The following TAF2 variants were observed in gnomAD, a reference collection of about 807,000 sequenced individuals.
TAF2 encodes TATA-box binding protein associated factor 2.
A neutral mutation model predicts 138.5 loss-of-function variants in TAF2; 61 were observed. The observed-to-expected ratio is 0.44, with a 90% confidence interval of 0.36 to 0.54. The LOEUF is 0.54. TAF2 is among the 20% of genes least tolerant of loss of function. TAF2 has a pLI of 0.00. For missense variants in TAF2, 1,090 were observed against 1,427.9 expected (o/e 0.76, Z 3.81); for synonymous variants, 475 against 469.9 (o/e 1.01, Z -0.14).
intron 23 of TAF2, among the ~76,000 whole-genome samples, chr8:119,745,205 T>A (rs1033025223): frequency 2.6e-5 from 4 of 152,146 alleles, no homozygotes; most frequent in African/African-American, 9.7e-5. Flanking sequence ...CTGGTCTTTT[T>A]GGGGGGAGAA....
At chr8:119,811,276 G>A (rs375244744) in intron 3 of TAF2, among the ~76,000 whole-genome samples, 2 of 152,052 alleles carry the variant, frequency 1.3e-5, no homozygotes, top group African/African-American at 4.8e-5. Context: ...GTCAAATAAA[G>A]AACATCTGCC....
chr8:119,776,668 G>A (rs377436358), intron 18 of TAF2, among the ~76,000 whole-genome samples: 22 of 151,974 alleles, frequency 1.4e-4, no homozygotes, highest in Non-Finnish European at 2.6e-4. Flanking sequence ...CAGCCTGGGC[G>A]ACTGAGTGAG....
rs1409920237 is a variant in TAF2 at position 119,789,645 on chromosome 8, T to C, written c.1515A>G (p.Lys505=). Residue 505 remains lysine, a synonymous_variant, in exon 12 of 26, where the codon AAA becomes AAG. Transcript: ENST00000378164. ...QMLVSTSGFL[K]SISNVSGKDI... is the part of the protein sequence containing the mutation. The stretch of plus-strand genomic sequence containing the variant: ...CTTTGCCAGAGACATTTGAAATGGA[T>C]TTCAAAAACCCAGATGTGGAAACCA... 6.2e-7 allele frequency: 1 copy of C among 1,613,862 alleles called. No individual in the cohort carries two copies. Among genetic ancestry groups the C allele is most frequent in the South Asian group, 1.1e-5 (1 of 91,070 alleles).
At chr8:119,736,099 G>C (rs1245408154) in intron 25 of TAF2, among the ~76,000 whole-genome samples, 1 of 152,194 alleles carries the variant, frequency 6.6e-6, no homozygotes, top group East Asian at 1.9e-4. Flanking sequence ...GTTGGAACCT[G>C]TACTTCTCAG....
In TAF2 at chr8:119,749,177, G is replaced by A. The variant is rs144543259; in HGVS notation, c.2879-2243C>T. Reference sequence around the variant, plus strand: ...TAGGGCTTTTATTTTGTTTTTGAACGTCAGCTTAAGGATGATTAGGCAGCA... The same window carrying A: ...TAGGGCTTTTATTTTGTTTTTGAACATCAGCTTAAGGATGATTAGGCAGCA... On this transcript the variant is annotated intron_variant, in intron 22 of 25. Coordinates refer to ENST00000378164, the MANE Select transcript of TAF2 (RefSeq NM_003184.4). Among the ~76,000 whole-genome samples, 9 of 152,206 alleles carry A rather than the reference G, an allele frequency of 5.9e-5. No individual in the cohort carries two copies. In the East Asian group the frequency reaches 1.2e-3, roughly 20 times the overall value.
chr8:119,745,795 ATGTGTGTGTGTGTGTGTGTGTGTGTG>A (rs58444614), intron 23 of TAF2, among the ~76,000 whole-genome samples: 15 of 143,566 alleles, frequency 1.0e-4, no homozygotes, highest in African/African-American at 3.3e-4. Context: ...AGGCAAACGA[ATGTGTGTGTGTGTGTGTGTGTGTGTG>A]TGTGTGTGTG....
intron 18 of TAF2, among the ~76,000 whole-genome samples, chr8:119,774,491 AT>A (rs11341545): frequency 0.43 from 62,992 of 147,662 alleles, 14,730 homozygotes; most frequent in African/African-American, 0.63. Flanking sequence ...TTTTTTTGCA[AT>A]TTTTTTTTTT....
Position 119,760,580 on chromosome 8 carries a change from C to T in TAF2, c.2698+19G>A, listed in dbSNP as rs1041669383. 4.8e-5 allele frequency: 78 copies of T among 1,610,758 alleles called. No individual in the cohort carries two copies. In the Middle Eastern group the frequency reaches 6.6e-4, roughly 14 times the overall value. ...AGTTCTTTCTAAAATGATATGAGCACGTATTTCTAAAGTATTACCTTTAGT... is the reference window on the plus strand; with the variant it reads ...AGTTCTTTCTAAAATGATATGAGCATGTATTTCTAAAGTATTACCTTTAGT... On this transcript the variant is annotated intron_variant, in intron 20 of 25. Transcript: ENST00000378164.
At position 119,781,066 on chromosome 8, in the gene TAF2, T is replaced by C. The variant is rs1041976738; in HGVS notation, c.2240A>G (p.Tyr747Cys). ...KTNNFMSFQS[Y>C]FLQKTMPVAM... ...AGTAAACTGTACCTTCTGTAGAAAA[T>C]AGCTTTGAAAGCTCATAAAGTTGTT... The change falls in exon 17 of 26, where the codon TAT (tyrosine) becomes TGT (cysteine). Residue 747 changes from tyrosine (Y) to cysteine (C), a missense_variant. By Grantham distance (194) the Tyr-to-Cys change is radical (BLOSUM62 -2). This residue lies in a region of TAF2 where 580 missense variants were observed against 719.6 expected (regional missense o/e 0.81). Transcript: ENST00000378164. 5.0e-6 allele frequency: 8 copies of C among 1,612,494 alleles called. No homozygotes were observed. Among genetic ancestry groups the C allele is most frequent in the Non-Finnish European group, 6.8e-6 (8 of 1,179,772 alleles).
chr8:119,771,111 A>G (rs1464311382), intron 18 of TAF2, among the ~76,000 whole-genome samples: 1 of 152,158 alleles, frequency 6.6e-6, no homozygotes, highest in Non-Finnish European at 1.5e-5. Context: ...GATAAAAAAC[A>G]AGACACTACC....
At chr8:119,802,330 A>G (rs1824320977) in intron 5 of TAF2, among the ~76,000 whole-genome samples, 1 of 152,220 alleles carries the variant, frequency 6.6e-6, no homozygotes, top group Non-Finnish European at 1.5e-5. Flanking sequence ...TCCGCATATT[A>G]GTCAGTTTTT....
chr8:119,786,365 T>G (rs952571279), intron 14 of TAF2, among the ~76,000 whole-genome samples: 1 of 152,180 alleles, frequency 6.6e-6, no homozygotes, highest in African/African-American at 2.4e-5. Context: ...TTTCTAATAT[T>G]TCCTCTAGGT....
At chr8:119,811,608 C>T (rs1417790819) in intron 3 of TAF2, among the ~76,000 whole-genome samples, 2 of 151,784 alleles carry the variant, frequency 1.3e-5, no homozygotes, top group Non-Finnish European at 2.9e-5. Context: ...AGATCGAGAC[C>T]ATCCTGGCTA....
chr8:119,783,528 AT>A lies in TAF2; in HGVS notation c.1964del (p.Tyr655LeufsTer31). 6.2e-7 allele frequency: 1 copy of A among 1,614,166 alleles called. No homozygotes were observed. Among genetic ancestry groups the A allele is most frequent in the Non-Finnish European group, 8.5e-7 (1 of 1,180,022 alleles). Reference protein sequence around the residue: ...ADFMWQYQLRYERDVVAQQES... With the variant: ...ADFMWQYQLRXERDVVAQQES... The stretch of plus-strand genomic sequence containing the variant: ...CCTGCTGTGCAACAACATCTCTCTC[AT>A]AGCGGAGCTGATACTGCCACATAAA... On this transcript the variant is annotated frameshift_variant, in exon 16 of 26. Coordinates refer to ENST00000378164, the MANE Select transcript of TAF2 (RefSeq NM_003184.4). LOFTEE classifies it high-confidence loss of function.
At chr8:119,787,339 A>G (rs1199034601) in intron 14 of TAF2, among the ~76,000 whole-genome samples, 1 of 152,168 alleles carries the variant, frequency 6.6e-6, no homozygotes, top group African/African-American at 2.4e-5. Context: ...CATGTACCCT[A>G]AAACTTAAAG....
At chr8:119,771,234 C>T (rs1821811011) in intron 18 of TAF2, among the ~76,000 whole-genome samples, 1 of 151,868 alleles carries the variant, frequency 6.6e-6, no homozygotes. Context: ...GCAGGAGTAG[C>T]CATTCTTTTT....
rs1309150940 is a variant in TAF2 at position 119,758,009 on chromosome 8, C to A, written c.2768+64G>T. On this transcript the variant is annotated intron_variant, in intron 21 of 25. Coordinates refer to ENST00000378164, the MANE Select transcript of TAF2 (RefSeq NM_003184.4). Reference sequence around the variant, plus strand: ...CATAAACAAGCATTTTATGTGTAATCTGAAATTACTCAGTTCACTATAGGA... The same window carrying A: ...CATAAACAAGCATTTTATGTGTAATATGAAATTACTCAGTTCACTATAGGA... The A allele has an allele frequency of 3.7e-6, 5 of 1,333,824 alleles. No individual in the cohort carries two copies. The African/African-American group carries it at 7.2e-5, about 19-fold the overall frequency. The allele number at this position is 1,333,824 out of a possible 1,614,324, so 82.6% of individuals were successfully genotyped here. A position where few individuals can be genotyped will look rare whatever the true frequency, so the allele number is the denominator to read the frequency against.
rs553145646 is a variant in TAF2 at position 119,814,628 on chromosome 8, T to C, written c.299+4718A>G. ...GGGCTTCTCGGCTGGATGTGGTGGC[T>C]CATGCCTGTAATCCCAGCACTCTGG... On this transcript the variant is annotated intron_variant, in intron 3 of 25. Coordinates refer to ENST00000378164, the MANE Select transcript of TAF2 (RefSeq NM_003184.4). 9.1e-3 allele frequency among the ~76,000 whole-genome samples: 1,371 copies of C among 150,900 alleles called. 20 individuals carry two copies. Among genetic ancestry groups the C allele is most frequent in the African/African-American group, 0.032 (1,307 of 41,002 alleles).
At chr8:119,767,232 G>A (rs1172486769) in intron 18 of TAF2, 2 of 152,192 alleles carry the variant, frequency 1.3e-5, no homozygotes, top group Non-Finnish European at 2.9e-5. Context: ...GAAGTAGCTA[G>A]TGGGTGCCTC....
Sources: allele counts gnomAD v4.1 joint callset (sites outside exome capture counted in the v4.1 genomes callset), GRCh38; gene constraint gnomAD v4.1.1; regional missense constraint gnomAD v4.1.1; transcripts MANE v1.5; gene names NCBI Gene and HGNC (gene_info 2026-07-23, HGNC 2026-07-21).